PTPRS: variants seen among roughly 807,000 people sequenced by gnomAD.
PTPRS encodes protein tyrosine phosphatase receptor type S.
Under a neutral mutation model 215.3 loss-of-function variants are expected in PTPRS, and 63 were observed. That is an observed-to-expected ratio of 0.29 (90% CI 0.24 to 0.36). The LOEUF (loss-of-function observed/expected upper bound fraction) is 0.36, where lower values mean the gene tolerates loss of function less well. Among genes scored for constraint, PTPRS ranks in the 10% least tolerant of loss-of-function variants. The pLI, the probability that PTPRS is intolerant of heterozygous loss-of-function variation, is 1.00. For synonymous variants in PTPRS, 1,404 were observed against 1,191.4 expected, an observed-to-expected ratio of 1.18 and a Z score of -3.68; for missense variants, 2,258 against 2,825.8, an observed-to-expected ratio of 0.80 and a Z score of 4.56.
chr19:5,305,763 A>G (rs866208326), intron 1 of PTPRS, among the ~76,000 whole-genome samples: 3 of 113,694 alleles, frequency 2.6e-5, no homozygotes, highest in African/African-American at 8.5e-5. Flanking sequence ...ATATATATAT[A>G]TATTTTTTTT....
Position 5,222,803 on chromosome 19 carries a change from G to T in PTPRS, c.2989C>A (p.Leu997Met). The change falls in exon 18 of 38, where the codon CTG becomes ATG. Residue 997 changes from leucine to methionine, a missense_variant. Leu to Met is a conservative substitution (Grantham distance 15). Transcript: ENST00000262963. ...AEPGAENALT[L>M]QGLKPDTAYD... is the part of the protein sequence containing the mutation. ...GCCGTGTCGGGCTTCAGGCCCTGCAGCGTGAGCGCGTTCTCCGCGCCCGGC... is the reference window on the plus strand; with the variant it reads ...GCCGTGTCGGGCTTCAGGCCCTGCATCGTGAGCGCGTTCTCCGCGCCCGGC... The T allele has an allele frequency of 1.9e-6, 3 of 1,597,916 alleles. No individual in the cohort carries two copies.
At chr19:5,333,717 A>G (rs35030862) in intron 1 of PTPRS, among the ~76,000 whole-genome samples, 21,437 of 151,828 alleles carry the variant, frequency 0.14, 1,653 homozygotes, top group Admixed American at 0.22. Flanking sequence ...ATGTCAAAGC[A>G]CCCATTTTAC....
Position 5,216,745 on chromosome 19 carries a change from G to A in PTPRS, c.4071C>T (p.Leu1357=). ...QTPDSGLRSP[L]REPGFHFESM... Reference sequence around the variant, plus strand: ...TTTCAAAGTGAAACCCCGGCTCCCTGAGGGGGCTCCTGAGGCCTGAATCTG... The same window carrying A: ...TTTCAAAGTGAAACCCCGGCTCCCTAAGGGGGCTCCTGAGGCCTGAATCTG... Residue 1357 remains leucine (L), a synonymous_variant, in exon 26 of 38, where the codon CTC becomes CTT. Coordinates refer to ENST00000262963, the MANE Select transcript of PTPRS (RefSeq NM_002850.4). The A allele has an allele frequency of 1.3e-6, 2 of 1,578,624 alleles. No individual in the cohort carries two copies. The highest frequency in any genetic ancestry group is 8.6e-7 in the Non-Finnish European group (1 of 1,161,432).
intron 1 of PTPRS, among the ~76,000 whole-genome samples, chr19:5,303,954 A>AAAT (rs2049393765): frequency 1.5e-5 from 2 of 132,236 alleles, no homozygotes; most frequent in Non-Finnish European, 1.6e-5. Context: ...CTGTCTCAAA[A>AAAT]AATAATAATA....
chr19:5,335,882 C>T (rs1198882000), intron 1 of PTPRS, among the ~76,000 whole-genome samples: 7 of 151,926 alleles, frequency 4.6e-5, no homozygotes, highest in Admixed American at 1.3e-4. Context: ...CTCTGCGGGG[C>T]GCAGAGGGTG....
rs546394563 is a variant in PTPRS, at chr19:5,273,882, T to C, written c.238-299A>G. Among the ~76,000 whole-genome samples the C allele has an allele frequency of 3.9e-5, 6 of 152,316 alleles. No homozygotes were observed. In the East Asian group the frequency reaches 9.7e-4, roughly 25 times the overall value. On this transcript the variant is annotated intron_variant, in intron 3 of 37. Transcript: ENST00000262963. ...CAAAGGCATGTGAAGACATGCGGAA[T>C]GTGTCAATGTGCACGTGTGATCATG...
intron 30 of PTPRS, among the ~76,000 whole-genome samples, chr19:5,213,445 AC>A (rs1436358442): frequency 2.7e-5 from 4 of 146,092 alleles, no homozygotes; most frequent in Non-Finnish European, 6.1e-5. Flanking sequence ...TCCCCATCAT[AC>A]CCTCTTCCAG....
At chr19:5,208,181 A>G in intron 36 of PTPRS, 56 bp downstream of exon 36, 1 of 1,556,854 alleles carries the variant, frequency 6.4e-7, no homozygotes, top group East Asian at 2.3e-5. Context: ...GGCTGTCCCC[A>G]CCAGGCCTCA....
intron 1 of PTPRS, among the ~76,000 whole-genome samples, chr19:5,313,403 T>C (rs924297654): frequency 1.3e-5 from 2 of 152,154 alleles, no homozygotes; most frequent in Admixed American, 6.5e-5. Flanking sequence ...TGGACAATGC[T>C]CTCTGGGGAA....
rs139608745 is a variant in PTPRS, at chr19:5,219,941, G to T, written c.3763C>A (p.Pro1255Thr). Residue 1255 changes from proline to threonine, a missense_variant and splice_region_variant, in exon 22 of 38, where the codon CCT (proline) becomes ACT (threonine). Pro to Thr is a conservative substitution (Grantham distance 38). This residue lies in a region of PTPRS where 927 missense variants were observed against 1,125.9 expected (regional missense o/e 0.82). Transcript: ENST00000262963. The part of the protein sequence containing the change: ...FVLAVLQKSE[P>T]TFAASPFSDP... ...GGCGGACACCATTCAGGACTTACAG[G>T]CTCGCTCTTCTGAAGCACGGCAAGC... The T allele has an allele frequency of 6.2e-7, 1 of 1,613,528 alleles. No individual in the cohort carries two copies. The highest frequency in any genetic ancestry group is 1.7e-5 in the Admixed American group (1 of 60,012).
Position 5,215,516 on chromosome 19 carries a change from C to A in PTPRS, c.4176G>T (p.Lys1392Asn). ...TERLKANDSL[K>N]LSQEYESIDP... ...GGCTCACCTCATACTCCTGGGAGAG[C>A]TTGAGGCTGTCGTTGGCCTTGAGCC... is the stretch of plus-strand genomic sequence containing the variant. The change falls in exon 27 of 38, where the codon AAG (lysine) becomes AAT (asparagine). Residue 1392 changes from lysine (K) to asparagine (N), a missense_variant. Physicochemically the swap from Lys to Asn is moderately conservative, Grantham distance 94. Around this residue, in one of 6 missense-constraint regions of PTPRS, gnomAD observed 927 missense variants for 1,125.9 expected, o/e 0.82. Transcript: ENST00000262963. 5 of 1,611,922 alleles carry A rather than the reference C, an allele frequency of 3.1e-6. No individual in the cohort carries two copies. Among genetic ancestry groups the A allele is most frequent in the Non-Finnish European group, 3.4e-6 (4 of 1,178,516 alleles).
At chr19:5,253,245 G>A (rs1194052606) in intron 9 of PTPRS, among the ~76,000 whole-genome samples, 1 of 152,108 alleles carries the variant, frequency 6.6e-6, no homozygotes, top group East Asian at 1.9e-4. Context: ...GGATCCCAGA[G>A]ATAAATTTCA....
At chr19:5,248,603 G>A (rs1046684339) in intron 9 of PTPRS, among the ~76,000 whole-genome samples, 1 of 152,170 alleles carries the variant, frequency 6.6e-6, no homozygotes, top group Admixed American at 6.5e-5. Context: ...AACCCAGCCC[G>A]ACTCAAGTCT....
chr19:5,252,358 C>A (rs1048274603), intron 9 of PTPRS, among the ~76,000 whole-genome samples: 18 of 152,176 alleles, frequency 1.2e-4, no homozygotes, highest in African/African-American at 3.6e-4. Flanking sequence ...GGGTGAATCA[C>A]CTGAGGTCAG....
In PTPRS at chr19:5,219,922, C is replaced by T; in HGVS notation, c.3765+17G>A. 1 of 1,610,716 alleles carries T rather than the reference C, an allele frequency of 6.2e-7. No individual in the cohort carries two copies. On this transcript the variant is annotated intron_variant, in intron 22 of 37. Coordinates refer to ENST00000262963, the MANE Select transcript of PTPRS (RefSeq NM_002850.4). ...AGAGGTGTGTCTGGATGTGGGCGGA[C>T]ACCATTCAGGACTTACAGGCTCGCT... is the stretch of plus-strand genomic sequence containing the variant.
At chr19:5,231,242 T>C in intron 14 of PTPRS, 68 bp downstream of exon 14, 2 of 1,480,386 alleles carry the variant, frequency 1.4e-6, no homozygotes, top group African/African-American at 1.4e-5. Context: ...GGTTTCCAGA[T>C]GGAAGGCTTC....
At chr19:5,290,178 C>T (rs2048694908) in intron 1 of PTPRS, among the ~76,000 whole-genome samples, 1 of 152,196 alleles carries the variant, frequency 6.6e-6, no homozygotes, top group South Asian at 2.1e-4. Flanking sequence ...CTCTCAGGGG[C>T]TGCACTGCCC....
chr19:5,243,722 T>C lies in PTPRS; in HGVS notation c.1570+179A>G, dbSNP rs527406895. 1.2e-4 allele frequency among the ~76,000 whole-genome samples: 19 copies of C among 152,300 alleles called. 3 individuals carry two copies. Among genetic ancestry groups the C allele is most frequent in the Admixed American group, 4.6e-4 (7 of 15,302 alleles). ...CCTGACCTCCGGTGACCCGCCCGCCTTGGCCTCCCAAAGTACTGAGATTAC... is the reference window on the plus strand; with the variant it reads ...CCTGACCTCCGGTGACCCGCCCGCCCTGGCCTCCCAAAGTACTGAGATTAC... On this transcript the variant is annotated intron_variant, in intron 11 of 37. Coordinates refer to ENST00000262963, the MANE Select transcript of PTPRS (RefSeq NM_002850.4).
chr19:5,328,622 G>A (rs1326863500), intron 1 of PTPRS, among the ~76,000 whole-genome samples: 1 of 152,196 alleles, frequency 6.6e-6, no homozygotes, highest in Non-Finnish European at 1.5e-5. Flanking sequence ...CATTTCCGCT[G>A]GGAACCCAGT....
Sources: allele counts gnomAD v4.1 joint callset (sites outside exome capture counted in the v4.1 genomes callset), GRCh38; gene constraint gnomAD v4.1.1; regional missense constraint gnomAD v4.1.1; transcripts MANE v1.5; gene names NCBI Gene and HGNC (gene_info 2026-07-23, HGNC 2026-07-21).